The following PRELID2 variants were observed in gnomAD, a reference collection of about 807,000 sequenced individuals.
PRELID2 encodes the protein PRELI domain-containing protein 2.
A neutral mutation model predicts 28.4 loss-of-function variants in PRELID2; 25 were observed. The observed-to-expected ratio is 0.88, with a 90% CI of 0.64 to 1.23. The LOEUF (loss-of-function observed/expected upper bound fraction) is 1.23. PRELID2 is among the 50% of genes most tolerant of loss of function. PRELID2 has a pLI of 0.00. For synonymous variants in PRELID2, 76 were observed against 71.6 expected, an observed-to-expected ratio of 1.06 and a Z score of -0.31; for missense variants, 201 against 214.4, an observed-to-expected ratio of 0.94 and a Z score of 0.39.
chr5:145,547,469 A>G (rs1752798207), intron 1 of PRELID2, among the ~76,000 whole-genome samples: 1 of 152,198 alleles, frequency 6.6e-6, no homozygotes, highest in Non-Finnish European at 1.5e-5. Flanking sequence ...AACTTACACC[A>G]ACTGTGCAAT....
the PRELID2 span, among the ~76,000 whole-genome samples, chr5:145,404,354 G>A: frequency 2.0e-5 from 3 of 152,336 alleles, no homozygotes; most frequent in South Asian, 6.2e-4. Flanking sequence ...AACAGAGACT[G>A]TGGGATCAAA....
Position 145,775,320 on chromosome 5 carries a change from C to T in PRELID2, c.475-10320G>A, listed in dbSNP as rs139030550. ...CTGAGCCTTCCGTATACTATCTCCT[C>T]GAAAAGATGTGTTTATAGGGTTTTC... On this transcript the variant is annotated intron_variant, in intron 5 of 6. Coordinates refer to ENST00000683046, the MANE Select transcript of PRELID2 (RefSeq NM_205846.3). Among the ~76,000 whole-genome samples, 95 of 152,218 alleles carry T rather than the reference C, an allele frequency of 6.2e-4. No individual in the cohort carries two copies. In the East Asian group the frequency reaches 0.016, roughly 26 times the overall value.
chr5:145,512,071 C>G (rs1752466007), intron 1 of PRELID2, among the ~76,000 whole-genome samples: 1 of 152,106 alleles, frequency 6.6e-6, no homozygotes, highest in Non-Finnish European at 1.5e-5. Flanking sequence ...AATCCTAGGT[C>G]TCTAACTTGG....
chr5:145,456,600 T>A, the PRELID2 span, among the ~76,000 whole-genome samples: 1 of 152,194 alleles, frequency 6.6e-6, no homozygotes. Flanking sequence ...TGGGCAACTA[T>A]CAAATTTGCT....
chr5:145,793,005 TC>T (rs1281646272), intron 5 of PRELID2, among the ~76,000 whole-genome samples: 1 of 152,166 alleles, frequency 6.6e-6, no homozygotes, highest in African/African-American at 2.4e-5. Flanking sequence ...TCAGAACCAC[TC>T]CGTTTCAAGG....
the PRELID2 span, among the ~76,000 whole-genome samples, chr5:145,333,819 CAAAA>C: frequency 1.1e-5 from 1 of 91,106 alleles, no homozygotes; most frequent in African/African-American, 3.9e-5. Flanking sequence ...CTGGAGTATA[CAAAA>C]AAAAAAAAAA....
chr5:145,422,570 TTG>T, the PRELID2 span, among the ~76,000 whole-genome samples: 163 of 152,282 alleles, frequency 1.1e-3, no homozygotes, highest in African/African-American at 3.6e-3. Context: ...GCCTTTTTTT[TTG>T]TTTTCCATTG....
At chr5:145,398,978 A>G in the PRELID2 span, among the ~76,000 whole-genome samples, 1 of 152,084 alleles carries the variant, frequency 6.6e-6, no homozygotes, top group Non-Finnish European at 1.5e-5. Flanking sequence ...GTGAAGAAAA[A>G]ACTTGATATA....
intron 1 of PRELID2, among the ~76,000 whole-genome samples, chr5:145,501,432 A>T (rs1394844990): frequency 6.6e-6 from 1 of 152,096 alleles, no homozygotes; most frequent in Admixed American, 6.6e-5. Context: ...CTCATCTTGA[A>T]TTGTAGATCC....
intron 1 of PRELID2, among the ~76,000 whole-genome samples, chr5:145,679,254 C>A (rs1754884844): frequency 6.6e-6 from 1 of 152,160 alleles, no homozygotes; most frequent in Non-Finnish European, 1.5e-5. Context: ...TTAGTTTGAA[C>A]TTTTCTGCCC....
chr5:145,698,783 A>G (rs554297036), intron 1 of PRELID2, among the ~76,000 whole-genome samples: 16 of 152,262 alleles, frequency 1.1e-4, no homozygotes, highest in African/African-American at 3.4e-4. Context: ...CTGGAGTTCA[A>G]TGGTGTGATC....
chr5:145,581,670 C>A (rs1301835712), intron 1 of PRELID2, among the ~76,000 whole-genome samples: 1 of 152,000 alleles, frequency 6.6e-6, no homozygotes, highest in African/African-American at 2.4e-5. Context: ...ATTTGGCCTG[C>A]ATGGTACATG....
At chr5:145,701,934 C>T (rs570763566) in intron 1 of PRELID2, among the ~76,000 whole-genome samples, 1 of 151,878 alleles carries the variant, frequency 6.6e-6, no homozygotes, top group African/African-American at 2.4e-5. Context: ...GCCTGTAATC[C>T]CAGGTACTCG....
the PRELID2 span, among the ~76,000 whole-genome samples, chr5:145,389,169 A>G: frequency 1.3e-5 from 2 of 152,138 alleles, no homozygotes; most frequent in African/African-American, 2.4e-5. Flanking sequence ...GAACCATGCT[A>G]CATATTCTGT....
chr5:145,249,368 T>G, the PRELID2 span, among the ~76,000 whole-genome samples: 2 of 152,170 alleles, frequency 1.3e-5, no homozygotes, highest in South Asian at 4.1e-4. Flanking sequence ...TTGGGCAGTC[T>G]GATCCTTATA....
chr5:145,726,714 G>A (rs1382769880), intron 1 of PRELID2, among the ~76,000 whole-genome samples: 1 of 152,136 alleles, frequency 6.6e-6, no homozygotes, highest in Non-Finnish European at 1.5e-5. Flanking sequence ...AAATTGCCTT[G>A]CATCAGTTCC....
At chr5:145,395,018 T>G in the PRELID2 span, among the ~76,000 whole-genome samples, 1 of 152,114 alleles carries the variant, frequency 6.6e-6, no homozygotes, top group Non-Finnish European at 1.5e-5. Context: ...GTTATTCCCC[T>G]TAAACCCTTA....
At chr5:145,510,462 G>A (rs556827756) in intron 1 of PRELID2, among the ~76,000 whole-genome samples, 3 of 152,280 alleles carry the variant, frequency 2.0e-5, no homozygotes, top group South Asian at 4.2e-4. Context: ...GGCCTCAGAG[G>A]GGGAGGCATT....
intron 1 of PRELID2, among the ~76,000 whole-genome samples, chr5:145,661,280 G>A (rs28362039): frequency 0.077 from 11,713 of 152,090 alleles, 1,522 homozygotes; most frequent in African/African-American, 0.27. Context: ...TTTTCCTTAC[G>A]TTTCAGTAAG....
Sources: gnomAD v4.1 joint callset for allele counts (sites outside exome capture counted in the v4.1 genomes callset) on GRCh38, gnomAD v4.1.1 for gene constraint, MANE v1.5 for transcripts, NCBI Gene and HGNC (gene_info 2026-07-23, HGNC 2026-07-21) for gene names.